Variants in KCNH1 observed in about 807,000 individuals in gnomAD.
KCNH1 encodes potassium voltage-gated channel subfamily H member 1.
A neutral mutation model predicts 69.2 loss-of-function variants in KCNH1; 27 were observed. The observed-to-expected ratio is 0.39, with a 90% CI of 0.29 to 0.54. The LOEUF is 0.54. Ranked by LOEUF, KCNH1 falls within the 20% of genes least tolerant of loss-of-function variation. The probability of loss-of-function intolerance (pLI) is 0.68; values close to 1 mark genes in which losing one functional copy is unlikely to be tolerated. For missense variants in KCNH1, 798 were observed against 1,261.6 expected, an observed-to-expected ratio of 0.63 and a Z score of 5.57; for synonymous variants, 456 against 487.7, an observed-to-expected ratio of 0.93 and a Z score of 0.86.
At chr1:210,806,343 T>C (rs1208218823) in intron 7 of KCNH1, among the ~76,000 whole-genome samples, 2 of 152,220 alleles carry the variant, frequency 1.3e-5, no homozygotes, top group African/African-American at 4.8e-5. Context: ...CATGTGCTTA[T>C]TGGTCATTTA....
At chr1:210,885,257 G>A (rs1447272883) in intron 7 of KCNH1, among the ~76,000 whole-genome samples, 1 of 152,220 alleles carries the variant, frequency 6.6e-6, no homozygotes, top group Non-Finnish European at 1.5e-5. Flanking sequence ...AGCCCACGGA[G>A]GGTGAGCAGA....
chr1:211,009,275 T>C lies in KCNH1; in HGVS notation c.1032+9508A>G, dbSNP rs1340603904. ...TTGACAACAACAGTTACAGTTTCAA[T>C]AGAGTGACAAGGTTGAAAACCTGAT... is the stretch of plus-strand genomic sequence containing the variant. On this transcript the variant is annotated intron_variant, in intron 6 of 10. Coordinates refer to ENST00000271751, the MANE Select transcript of KCNH1 (RefSeq NM_172362.3). Among the ~76,000 whole-genome samples, 18 of 152,098 alleles carry C rather than the reference T, an allele frequency of 1.2e-4. 1 individual carries two copies. Among genetic ancestry groups the C allele is most frequent in the Admixed American group, 1.1e-3 (17 of 15,268 alleles).
intron 6 of KCNH1, among the ~76,000 whole-genome samples, chr1:210,983,052 G>T (rs1354358419): frequency 6.6e-6 from 1 of 152,018 alleles, no homozygotes; most frequent in East Asian, 1.9e-4. Flanking sequence ...GTGTTTTTTG[G>T]CTGCATAAAT....
chr1:210,737,575 A>G (rs1682911578), intron 10 of KCNH1, among the ~76,000 whole-genome samples: 1 of 152,164 alleles, frequency 6.6e-6, no homozygotes, highest in South Asian at 2.1e-4. Context: ...CTGAATTTAT[A>G]TAGTTAGCCC....
At chr1:210,701,928 G>GA (rs1180908537) in intron 10 of KCNH1, among the ~76,000 whole-genome samples, 1 of 151,856 alleles carries the variant, frequency 6.6e-6, no homozygotes, top group Non-Finnish European at 1.5e-5. Flanking sequence ...CGTTCTTCAG[G>GA]AAAAAACATG....
Position 211,103,514 on chromosome 1 carries a change from G to C in KCNH1, c.292C>G (p.Leu98Val). 1 of 1,610,232 alleles carries C rather than the reference G, an allele frequency of 6.2e-7. No homozygotes were observed. Among genetic ancestry groups the C allele is most frequent in the East Asian group, 2.2e-5 (1 of 44,822 alleles). ...ENYEMNSFEI[L>V]MYKKNRTPVW... ...TACTCACTGTTCTTCTTGTACATCA[G>C]AATTTCAAAGGAATTCATCTCATAG... Residue 98 changes from leucine (L) to valine (V), a missense_variant, in exon 3 of 11, where the codon CTG (leucine) becomes GTG (valine). This residue lies in a region of KCNH1 where 266 missense variants were observed against 457.2 expected (regional missense o/e 0.58). Transcript: ENST00000271751.
At chr1:210,832,931 T>TATATATATATATATATATACA (rs1202393975) in intron 7 of KCNH1, among the ~76,000 whole-genome samples, 1 of 118,266 alleles carries the variant, frequency 8.5e-6, no homozygotes, top group Non-Finnish European at 2.0e-5. Context: ...TACATATAAA[T>TATATATATATATATATATACA]TGAATTTGAG....
At chr1:210,973,393 C>A (rs963437239) in intron 6 of KCNH1, among the ~76,000 whole-genome samples, 7 of 152,132 alleles carry the variant, frequency 4.6e-5, no homozygotes, top group African/African-American at 1.7e-4. Flanking sequence ...AACAAAGACT[C>A]TTTCTCTCAA....
chr1:211,064,350 G>A (rs1345669977), intron 5 of KCNH1, among the ~76,000 whole-genome samples: 1 of 152,176 alleles, frequency 6.6e-6, no homozygotes, highest in Non-Finnish European at 1.5e-5. Flanking sequence ...CACGAGGTCA[G>A]GAGATCGAGA....
intron 5 of KCNH1, among the ~76,000 whole-genome samples, chr1:211,027,228 A>C (rs1689699719): frequency 6.6e-6 from 1 of 152,210 alleles, no homozygotes; most frequent in African/African-American, 2.4e-5. Context: ...AAGTCTCAGC[A>C]AAGGAGATAT....
chr1:211,052,650 T>G (rs1313723494), intron 5 of KCNH1, among the ~76,000 whole-genome samples: 1 of 152,174 alleles, frequency 6.6e-6, no homozygotes, highest in African/African-American at 2.4e-5. Context: ...GGAGCTTCTT[T>G]CTAGAAAAAG....
intron 6 of KCNH1, among the ~76,000 whole-genome samples, chr1:211,012,718 C>T (rs1311193131): frequency 2.0e-5 from 3 of 152,136 alleles, no homozygotes; most frequent in African/African-American, 7.2e-5. Flanking sequence ...ACACACTTGT[C>T]CAAACCCATA....
intron 7 of KCNH1, among the ~76,000 whole-genome samples, chr1:210,885,303 A>G (rs1007779818): frequency 2.0e-5 from 3 of 152,174 alleles, no homozygotes; most frequent in African/African-American, 4.8e-5. Context: ...AGGAAGCACA[A>G]GGGATAGGGA....
At chr1:210,880,373 T>G (rs1274701433) in intron 7 of KCNH1, among the ~76,000 whole-genome samples, 2 of 152,164 alleles carry the variant, frequency 1.3e-5, no homozygotes, top group Admixed American at 1.3e-4. Flanking sequence ...AACAATACAG[T>G]GTTGGTAAAA....
In KCNH1 at chr1:211,133,784, T is replaced by A. The variant is rs1691921429; in HGVS notation, c.79+83A>T. 1.5e-5 allele frequency: 20 copies of A among 1,316,352 alleles called. No homozygotes were observed. In the South Asian group the frequency reaches 2.3e-4, roughly 15 times the overall value. 81.5% of individuals were successfully genotyped at this position (1,316,352 alleles called of 1,614,324 possible). A position where few individuals can be genotyped will look rare whatever the true frequency, so the allele number is the denominator to read the frequency against. ...CAGAGCTCGCGGGTTCTGCTGCATC[T>A]GCTGGCTCCGAGCGGCGAGAGGTTC... On this transcript the variant is annotated intron_variant, in intron 1 of 10. Transcript: ENST00000271751. This position sits in a 1 kb window ranked among gnomAD's most constrained non-coding sequence, Gnocchi z 5.4.
chr1:210,805,642 T>TC (rs1158287440), intron 7 of KCNH1, among the ~76,000 whole-genome samples: 1 of 152,196 alleles, frequency 6.6e-6, no homozygotes, highest in East Asian at 1.9e-4. Context: ...AAGTACAAAA[T>TC]TCAATGGTCT....
At chr1:210,968,350 C>G (rs1223613758) in intron 6 of KCNH1, among the ~76,000 whole-genome samples, 1 of 137,840 alleles carries the variant, frequency 7.3e-6, no homozygotes, top group African/African-American at 2.9e-5. Context: ...GTCTTTATAG[C>G]AGCATGATTT....
chr1:210,714,033 G>A (rs1394016734), intron 10 of KCNH1, among the ~76,000 whole-genome samples: 4 of 152,016 alleles, frequency 2.6e-5, no homozygotes, highest in Admixed American at 2.0e-4. Flanking sequence ...TCTAACCTAC[G>A]GGGCTAATAT....
Position 211,133,318 on chromosome 1 carries a change from A to T in KCNH1, c.79+549T>A, listed in dbSNP as rs1691911124. 5 of 152,198 alleles carry T rather than the reference A, an allele frequency of 3.3e-5. No homozygotes were observed. The highest frequency in any genetic ancestry group is 3.3e-4 in the Admixed American group (5 of 15,270). 9.4% of individuals were successfully genotyped at this position (152,198 alleles called of 1,614,324 possible). On this transcript the variant is annotated intron_variant, in intron 1 of 10. Transcript: ENST00000271751. This position sits in a 1 kb window ranked among gnomAD's most constrained non-coding sequence, Gnocchi z 5.4. ...AAGTGGTGGGTGGGTGAAGGGGTGG[A>T]ATCAGGCCGCCGAGAGCACGTCCCG...
Sources: gnomAD v4.1 joint callset for allele counts (sites outside exome capture counted in the v4.1 genomes callset) on GRCh38, gnomAD v4.1.1 for gene constraint, gnomAD v4.1.1 regional missense constraint, Gnocchi (gnomAD v3.1) non-coding constraint, MANE v1.5 for transcripts, NCBI Gene and HGNC (gene_info 2026-07-23, HGNC 2026-07-21) for gene names.